The following ATG4B variants were observed in gnomAD, a reference collection of about 807,000 sequenced individuals.
The protein encoded by ATG4B is cysteine protease ATG4B.
In ATG4B, 29 loss-of-function variants were observed where a neutral mutation model predicts 56.6. The ratio of observed to expected loss-of-function variants is 0.51; its 90% CI spans 0.38 to 0.70. The LOEUF (loss-of-function observed/expected upper bound fraction) is 0.70. Among genes scored for constraint, ATG4B ranks in the 30% least tolerant of loss-of-function variants. The pLI, the probability that ATG4B is intolerant of heterozygous loss-of-function variation, is 0.00. For synonymous variants in ATG4B, 224 were observed against 206.1 expected, an observed-to-expected ratio of 1.09 and a Z score of -0.74; for missense variants, 461 against 515.5, an observed-to-expected ratio of 0.89 and a Z score of 1.02.
At chr2:241,645,606 G>A (rs763520562) in intron 1 of ATG4B, among the ~76,000 whole-genome samples, 1 of 152,148 alleles carries the variant, frequency 6.6e-6, no homozygotes, top group Non-Finnish European at 1.5e-5. Flanking sequence ...TCACAAGAAG[G>A]TCACTAGCCT....
intron 1 of ATG4B, 129 bp downstream of exon 1, chr2:241,637,853 G>T: frequency 9.1e-7 from 1 of 1,103,682 alleles, no homozygotes; most frequent in Non-Finnish European, 1.2e-6. Flanking sequence ...GGCCGGGGCG[G>T]CGGGCGCTGC....
chr2:241,644,599 G>A (rs1001356523), intron 1 of ATG4B, among the ~76,000 whole-genome samples: 1 of 152,112 alleles, frequency 6.6e-6, no homozygotes, highest in Non-Finnish European at 1.5e-5. Context: ...GGCCGGGCGC[G>A]GTCTGCCTGT....
In ATG4B at chr2:241,659,151, A is replaced by G. The variant is rs775722674; in HGVS notation, c.502A>G (p.Ile168Val). 3.7e-6 allele frequency: 6 copies of G among 1,613,540 alleles called. No individual in the cohort carries two copies. The highest frequency in any genetic ancestry group is 2.2e-5 in the South Asian group (2 of 91,052). ...TACGTGGAGCTCCTTGGCGGTCCACATTGCAATGGACAACACTGTTGTGAT... is the reference window on the plus strand; with the variant it reads ...TACGTGGAGCTCCTTGGCGGTCCACGTTGCAATGGACAACACTGTTGTGAT... The part of the protein sequence containing the change: ...FDTWSSLAVH[I>V]AMDNTVVMEE... Residue 168 changes from isoleucine (I) to valine (V), a missense_variant, in exon 7 of 13, where the codon ATT becomes GTT. By Grantham distance (29) the Ile-to-Val change is conservative. Transcript: ENST00000404914.
chr2:241,673,431 G>A lies in ATG4B; in HGVS notation c.*1167G>A, dbSNP rs1028432396. ...GGGAGCGTGGGCACTTTTCTCATGA[G>A]CAGCTACTGCGGCGTTGGCAGGACT... On this transcript the variant is annotated 3_prime_UTR_variant, in exon 13 of 13. Coordinates refer to ENST00000404914, the MANE Select transcript of ATG4B (RefSeq NM_013325.5). The A allele has an allele frequency of 2.3e-5, 9 of 384,278 alleles. No homozygotes were observed. The highest frequency in any genetic ancestry group is 5.9e-5 in the Admixed American group (2 of 34,004). 23.8% of individuals were successfully genotyped at this position (384,278 alleles called of 1,614,324 possible). A position where few individuals can be genotyped will look rare whatever the true frequency, so the allele number is the denominator to read the frequency against.
In ATG4B at chr2:241,673,427, A is replaced by G; in HGVS notation, c.*1163A>G. 2.6e-6 allele frequency: 1 copy of G among 383,302 alleles called. No individual in the cohort carries two copies. Among genetic ancestry groups the G allele is most frequent in the South Asian group, 1.9e-5 (1 of 54,036 alleles). 23.7% of individuals were successfully genotyped at this position (383,302 alleles called of 1,614,324 possible). Reference sequence around the variant, plus strand: ...CTTGGGGAGCGTGGGCACTTTTCTCATGAGCAGCTACTGCGGCGTTGGCAG... The same window carrying G: ...CTTGGGGAGCGTGGGCACTTTTCTCGTGAGCAGCTACTGCGGCGTTGGCAG... On this transcript the variant is annotated 3_prime_UTR_variant, in exon 13 of 13. Coordinates refer to ENST00000404914, the MANE Select transcript of ATG4B (RefSeq NM_013325.5).
chr2:241,646,257 C>T (rs946457045), intron 1 of ATG4B, among the ~76,000 whole-genome samples: 2 of 152,214 alleles, frequency 1.3e-5, no homozygotes, highest in Non-Finnish European at 2.9e-5. Context: ...GCTCAGGCCT[C>T]GTGACCCTGC....
At position 241,665,962 on chromosome 2, in the gene ATG4B, C is replaced by A. The variant is rs558225986; in HGVS notation, c.539-683C>A. 2.2e-4 allele frequency among the ~76,000 whole-genome samples: 34 copies of A among 152,358 alleles called. 1 individual carries two copies. Among genetic ancestry groups the A allele is most frequent in the Admixed American group, 1.9e-3 (29 of 15,310 alleles). ...TGATGCTTGACGGTTCCACCTTTGG[C>A]CGGTGGCCACCTCAGTCTGGTGGTG... On this transcript the variant is annotated intron_variant, in intron 7 of 12. Transcript: ENST00000404914.
chr2:241,670,571 C>T (rs1335529475), intron 10 of ATG4B, 155 bp from the exon 11 acceptor site: 11 of 723,874 alleles, frequency 1.5e-5, no homozygotes, highest in South Asian at 8.5e-5. Flanking sequence ...CTCGGAGCTC[C>T]GTTCCTGGCC....
Position 241,668,608 on chromosome 2 carries a change from A to G in ATG4B, c.880A>G (p.Ile294Val). The G allele has an allele frequency of 6.3e-7, 1 of 1,596,524 alleles. No homozygotes were observed. The highest frequency in any genetic ancestry group is 8.5e-7 in the Non-Finnish European group (1 of 1,172,466). The change falls in exon 10 of 13, where the codon ATC becomes GTC. Residue 294 changes from isoleucine (I) to valine (V), a missense_variant. Ile to Val is a conservative substitution (Grantham distance 29). Coordinates refer to ENST00000404914, the MANE Select transcript of ATG4B (RefSeq NM_013325.5). This position sits in a 1 kb window ranked among gnomAD's most constrained non-coding sequence, Gnocchi z 4.2. ...PAVEPTDGCF[I>V]PDESFHCQHP... The stretch of plus-strand genomic sequence containing the variant: ...CGTGGAGCCCACTGATGGCTGCTTC[A>G]TCCCGGACGAGAGCTTCCACTGCCA...
In ATG4B at chr2:241,671,701, G is replaced by A. The variant is rs527513005; in HGVS notation, c.1108+296G>A. ...GGGTCTGGAGCAGACAGAACATGCA[G>A]GCTCTGTGGTGACGCAGTCCTGGGT... On this transcript the variant is annotated intron_variant, in intron 12 of 12. Transcript: ENST00000404914. 2.2e-6 allele frequency: 3 copies of A among 1,352,116 alleles called. No homozygotes were observed. The South Asian group carries it at 4.4e-5, about 20-fold the overall frequency. 83.8% of individuals were successfully genotyped at this position (1,352,116 alleles called of 1,614,324 possible).
chr2:241,652,509 A>G (rs1435633091), intron 3 of ATG4B, among the ~76,000 whole-genome samples: 1 of 152,174 alleles, frequency 6.6e-6, no homozygotes, highest in Non-Finnish European at 1.5e-5. Flanking sequence ...AGCCCCACGG[A>G]GATAATTTTT....
At chr2:241,665,010 C>T (rs1173256890) in intron 7 of ATG4B, among the ~76,000 whole-genome samples, 2 of 151,954 alleles carry the variant, frequency 1.3e-5, no homozygotes, top group African/African-American at 4.8e-5. Flanking sequence ...GTTCCAGCTA[C>T]TCGGGAGGCT....
In ATG4B at chr2:241,671,984, C is replaced by T. The variant is rs1313081661; in HGVS notation, c.1109-207C>T. ...ATTGTGCCGGCCGCCCCCTGCCCTCCTCACCCTGCCCTGCTCCTCTTCTCT... is the reference window on the plus strand; with the variant it reads ...ATTGTGCCGGCCGCCCCCTGCCCTCTTCACCCTGCCCTGCTCCTCTTCTCT... On this transcript the variant is annotated intron_variant, in intron 12 of 12. Transcript: ENST00000404914. 5 of 1,415,832 alleles carry T rather than the reference C, an allele frequency of 3.5e-6. No homozygotes were observed. The Admixed American group carries it at 1.2e-4, about 34-fold the overall frequency. The allele number at this position is 1,415,832 out of a possible 1,614,324, so 87.7% of individuals were successfully genotyped here.
At chr2:241,659,011 C>A (rs1559262686) in intron 6 of ATG4B, 97 bp from the exon 7 acceptor site, 1 of 874,982 alleles carries the variant, frequency 1.1e-6, no homozygotes, top group East Asian at 2.7e-5. Flanking sequence ...CCGAGAAGCA[C>A]CTCTAACGCG....
At position 241,673,520 on chromosome 2, in the gene ATG4B, C is replaced by T. The variant is rs1246779302; in HGVS notation, c.*1256C>T. 6.7e-6 allele frequency: 3 copies of T among 445,934 alleles called. No individual in the cohort carries two copies. Among genetic ancestry groups the T allele is most frequent in the Non-Finnish European group, 1.4e-5 (3 of 219,976 alleles). 27.6% of individuals were successfully genotyped at this position (445,934 alleles called of 1,614,324 possible). A position where few individuals can be genotyped will look rare whatever the true frequency, so the allele number is the denominator to read the frequency against. ...GAGATCCCCGAGGACGCGCGCCGGA[C>T]AGTCGGCACTGACCGGCCCACCTGG... On this transcript the variant is annotated 3_prime_UTR_variant, in exon 13 of 13. Transcript: ENST00000404914.
At position 241,657,816 on chromosome 2, in the gene ATG4B, CAT is replaced by C. The variant is rs1258571804; in HGVS notation, c.459-1289_459-1288del. Among the ~76,000 whole-genome samples the C allele has an allele frequency of 3.9e-5, 6 of 152,348 alleles. No individual in the cohort carries two copies. The South Asian group carries it at 6.2e-4, about 16-fold the overall frequency. On this transcript the variant is annotated intron_variant, in intron 6 of 12. Coordinates refer to ENST00000404914, the MANE Select transcript of ATG4B (RefSeq NM_013325.5). ...TAACAGCAGAGCCATCTGCATAAAA[CAT>C]ATTGGCCACTGCTCTGCCTTGAACC...
chr2:241,645,853 C>T (rs1001821750), intron 1 of ATG4B, among the ~76,000 whole-genome samples: 3 of 152,096 alleles, frequency 2.0e-5, no homozygotes, highest in Admixed American at 6.6e-5. Flanking sequence ...GCAGGATTCT[C>T]GGGGAGGGCC....
intron 7 of ATG4B, 155 bp from the exon 8 acceptor site, chr2:241,666,489 CT>C: frequency 1.3e-6 from 1 of 769,952 alleles, no homozygotes; most frequent in Non-Finnish European, 2.1e-6. Flanking sequence ...AAAAAATTTT[CT>C]TACGCTTTTC....
chr2:241,646,842 G>A (rs977782451), intron 1 of ATG4B, among the ~76,000 whole-genome samples: 6 of 151,278 alleles, frequency 4.0e-5, no homozygotes, highest in Non-Finnish European at 8.8e-5. Context: ...GAATGCAGTG[G>A]CGCGATCTCA....
Sources: allele counts gnomAD v4.1 joint callset (sites outside exome capture counted in the v4.1 genomes callset), GRCh38; gene constraint gnomAD v4.1.1; non-coding constraint Gnocchi (gnomAD v3.1); transcripts MANE v1.5; gene names NCBI Gene and HGNC (gene_info 2026-07-23, HGNC 2026-07-21).